TMEM232: variants seen among roughly 807,000 people sequenced by gnomAD.
TMEM232 encodes the protein transmembrane protein 232.
TMEM232 carries 80 observed loss-of-function variants against 78.8 expected under a neutral mutation model. That is an observed-to-expected ratio of 1.01 (90% confidence interval 0.85 to 1.22). The LOEUF (loss-of-function observed/expected upper bound fraction) is 1.22. TMEM232 is among the 50% of genes most tolerant of loss of function. TMEM232 has a pLI of 0.00. For missense variants in TMEM232, 881 were observed against 742.2 expected, an observed-to-expected ratio of 1.19 and a Z score of -2.17; for synonymous variants, 297 against 254.3, an observed-to-expected ratio of 1.17 and a Z score of -1.60.
chr5:110,672,714 C>G (rs1043639945), intron 1 of TMEM232, among the ~76,000 whole-genome samples: 2 of 152,032 alleles, frequency 1.3e-5, no homozygotes, highest in African/African-American at 4.8e-5. Context: ...CTGAAAATGT[C>G]ATCAACTTTC....
chr5:110,431,056 C>G (rs916784703), intron 12 of TMEM232, among the ~76,000 whole-genome samples: 1 of 151,510 alleles, frequency 6.6e-6, no homozygotes, highest in Non-Finnish European at 1.5e-5. Context: ...ACTTGGCAAT[C>G]TTACAGGGTT....
At chr5:110,432,936 C>T (rs1414557348) in intron 12 of TMEM232, among the ~76,000 whole-genome samples, 2 of 151,714 alleles carry the variant, frequency 1.3e-5, no homozygotes, top group African/African-American at 2.4e-5. Flanking sequence ...GAAGACTTAA[C>T]TATCCTAACT....
At chr5:110,459,227 G>T (rs1761228640) in intron 12 of TMEM232, among the ~76,000 whole-genome samples, 1 of 151,908 alleles carries the variant, frequency 6.6e-6, no homozygotes, top group Admixed American at 6.6e-5. Context: ...AGCAACTCTT[G>T]TCTCCTGATG....
rs1776577677 is a variant in TMEM232, at chr5:110,568,446, C to T, written c.1455+1G>A. On this transcript the variant is annotated splice_donor_variant, in intron 11 of 13. Coordinates refer to ENST00000455884, the MANE Select transcript of TMEM232 (RefSeq NM_001039763.4). LOFTEE classifies it high-confidence loss of function. The stretch of plus-strand genomic sequence containing the variant: ...ATTTATTGCCCAGTGTTTTACCTTA[C>T]CTGAGCTATATTGATTGCATTTTGG... The T allele has an allele frequency of 6.5e-7, 1 of 1,538,278 alleles. No homozygotes were observed. Among genetic ancestry groups the T allele is most frequent in the East Asian group, 2.5e-5 (1 of 40,466 alleles).
At chr5:110,426,627 A>AACCC (rs1168310498) in intron 12 of TMEM232, among the ~76,000 whole-genome samples, 1 of 152,000 alleles carries the variant, frequency 6.6e-6, no homozygotes, top group Non-Finnish European at 1.5e-5. Context: ...GGAAAAATGG[A>AACCC]ACCCTCTCCC....
chr5:110,516,509 G>A (rs1581031721), intron 12 of TMEM232, among the ~76,000 whole-genome samples: 1 of 152,176 alleles, frequency 6.6e-6, no homozygotes, highest in East Asian at 1.9e-4. Flanking sequence ...ATAGAGAAAA[G>A]AGAAATACTA....
intron 1 of TMEM232, among the ~76,000 whole-genome samples, chr5:110,692,435 G>T (rs191116583): frequency 6.6e-6 from 1 of 152,312 alleles, no homozygotes; most frequent in East Asian, 1.9e-4. Flanking sequence ...TCTCACTGGG[G>T]AGTGCCGGAC....
chr5:110,726,724 G>A (rs959226032), upstream of TMEM232: 1 of 152,220 alleles, frequency 6.6e-6, no homozygotes, highest in Non-Finnish European at 1.5e-5. Flanking sequence ...CTCGTGACCA[G>A]GGCTTAGCCA....
intron 3 of TMEM232, among the ~76,000 whole-genome samples, chr5:110,391,428 G>A (rs566312303): frequency 1.3e-5 from 2 of 152,112 alleles, no homozygotes; most frequent in South Asian, 4.2e-4. Context: ...TTGAGCCGAT[G>A]TGTCAAGAAC....
rs1384518207 is a variant in TMEM232 at position 110,528,590 on chromosome 5, T to C, written c.1701A>G (p.Val567=). The change falls in exon 12 of 14, where the codon GTA becomes GTG. Residue 567 remains valine, a splice_region_variant and synonymous_variant. Coordinates refer to ENST00000455884, the MANE Select transcript of TMEM232 (RefSeq NM_001039763.4). ...SVKKQVLHFT[V]REHPSVSEIP... ...AAACCGATAGTACTTCTCTTTACCT[T>C]ACAGTGAAATGTAGAACTTGCTTTT... 3.9e-6 allele frequency: 6 copies of C among 1,528,710 alleles called. No individual in the cohort carries two copies. The highest frequency in any genetic ancestry group is 5.2e-6 in the Non-Finnish European group (6 of 1,143,906). 94.7% of individuals were successfully genotyped at this position (1,528,710 alleles called of 1,614,324 possible).
intron 12 of TMEM232, among the ~76,000 whole-genome samples, chr5:110,500,062 C>T (rs1025912829): frequency 1.3e-5 from 2 of 151,914 alleles, no homozygotes; most frequent in African/African-American, 2.4e-5. Flanking sequence ...GAGGCTGAGG[C>T]GGGTGGGACA....
At chr5:110,573,909 G>C (rs537187989) in intron 10 of TMEM232, among the ~76,000 whole-genome samples, 1 of 152,070 alleles carries the variant, frequency 6.6e-6, no homozygotes, top group Non-Finnish European at 1.5e-5. Flanking sequence ...GAGGGTCATG[G>C]GACAAGACTA....
chr5:110,685,713 T>C (rs779182015), intron 1 of TMEM232, among the ~76,000 whole-genome samples: 14 of 152,152 alleles, frequency 9.2e-5, no homozygotes, highest in East Asian at 1.9e-4. Flanking sequence ...GTACTGTTAT[T>C]CGCAATAGTC....
At chr5:110,496,479 T>C (rs534501946) in intron 12 of TMEM232, among the ~76,000 whole-genome samples, 34 of 152,012 alleles carry the variant, frequency 2.2e-4, no homozygotes, top group Admixed American at 3.3e-4. Flanking sequence ...CATCGTGTGG[T>C]ATAATGACTA....
At chr5:110,435,116 A>T (rs1220688316) in intron 12 of TMEM232, among the ~76,000 whole-genome samples, 1 of 151,874 alleles carries the variant, frequency 6.6e-6, no homozygotes, top group Non-Finnish European at 1.5e-5. Flanking sequence ...TTTAAATAAG[A>T]AAAGAGAAAG....
Position 110,425,955 on chromosome 5 carries a change from T to C in TMEM232, c.1704-1039A>G, listed in dbSNP as rs1489159235. Reference sequence around the variant, plus strand: ...AGGAAGCCTGAAGTAAACTGTGCATTTGTTAAAGTGGTTTTGCCTGGTTTC... The same window carrying C: ...AGGAAGCCTGAAGTAAACTGTGCATCTGTTAAAGTGGTTTTGCCTGGTTTC... On this transcript the variant is annotated intron_variant, in intron 12 of 13. Coordinates refer to ENST00000455884, the MANE Select transcript of TMEM232 (RefSeq NM_001039763.4). 2.0e-5 allele frequency among the ~76,000 whole-genome samples: 3 copies of C among 152,236 alleles called. No homozygotes were observed. The East Asian group carries it at 5.8e-4, about 29-fold the overall frequency.
At chr5:110,698,712 C>T (rs1795091604) in intron 1 of TMEM232, among the ~76,000 whole-genome samples, 1 of 151,972 alleles carries the variant, frequency 6.6e-6, no homozygotes, top group Admixed American at 6.6e-5. Context: ...AGGAGTAGTA[C>T]ATCATGTGTT....
chr5:110,659,879 C>A (rs1233056440), intron 2 of TMEM232, among the ~76,000 whole-genome samples: 1 of 151,062 alleles, frequency 6.6e-6, no homozygotes, highest in African/African-American at 2.4e-5. Flanking sequence ...TAGAAAGTGA[C>A]AAAAATTTGG....
intron 12 of TMEM232, among the ~76,000 whole-genome samples, chr5:110,430,418 C>A (rs1181776586): frequency 6.6e-6 from 1 of 151,178 alleles, no homozygotes; most frequent in Non-Finnish European, 1.5e-5. Flanking sequence ...TTAATACTAT[C>A]CCTGAAGCAA....
Sources: gnomAD v4.1 joint callset for allele counts (sites outside exome capture counted in the v4.1 genomes callset) on GRCh38, gnomAD v4.1.1 for gene constraint, MANE v1.5 for transcripts, NCBI Gene and HGNC (gene_info 2026-07-23, HGNC 2026-07-21) for gene names.